The following NRK variants were observed in gnomAD, a reference collection of about 807,000 sequenced individuals.
NRK encodes the protein Nik related kinase, also known as nik-related protein kinase.
NRK carries 67 observed loss-of-function variants against 125.2 expected under a neutral mutation model. That is an observed-to-expected ratio of 0.54 (90% CI 0.44 to 0.66). The LOEUF is 0.66. Ranked by LOEUF, NRK falls within the 30% of genes least tolerant of loss-of-function variation. The pLI, the probability that NRK is intolerant of heterozygous loss-of-function variation, is 0.00. For missense variants in NRK, 1,224 were observed against 1,192.9 expected (o/e 1.03, Z -0.38); for synonymous variants, 458 against 429.0 (o/e 1.07, Z -0.84).
At chrX:105,917,781 G>T in intron 16 of NRK, 109 bp downstream of exon 16, 1 of 429,828 alleles carries the variant, frequency 2.3e-6, no homozygotes, top group South Asian at 5.1e-5. Flanking sequence ...AATCAAAAGT[G>T]TCAGGGAGCC....
chrX:105,822,647 T>A lies in NRK; in HGVS notation c.-199T>A. On this transcript the variant is annotated 5_prime_UTR_variant, in exon 1 of 29. Coordinates refer to ENST00000243300, the MANE Select transcript of NRK (RefSeq NM_198465.4). ...CAACTTGCTTTCCCGCCTCGCAAAC[T>A]CCGGTTTCCCTCCACTCCCAACTCT... 1 of 471,375 alleles carries A rather than the reference T, an allele frequency of 2.1e-6. No individual in the cohort carries two copies. The highest frequency in any genetic ancestry group is 3.7e-6 in the Non-Finnish European group (1 of 268,464). The allele number at this position is 471,375 out of a possible 1,213,427, so 38.8% of individuals were successfully genotyped here.
rs1008752344 is a variant in NRK at position 105,948,574 on chromosome X, A to G, written c.4354-1001A>G. The G allele has an allele frequency of 1.1e-5, 5 of 444,366 alleles. No individual in the cohort carries two copies. In the East Asian group the frequency reaches 1.2e-4, roughly 10 times the overall value. The allele number at this position is 444,366 out of a possible 1,213,427, so 36.6% of individuals were successfully genotyped here. A position where few individuals can be genotyped will look rare whatever the true frequency, so the allele number is the denominator to read the frequency against. Reference sequence around the variant, plus strand: ...TTTTTTCTAAACAGATTTTATTAAGACAACCTTCTTTCCTGCAATTTCTTT... The same window carrying G: ...TTTTTTCTAAACAGATTTTATTAAGGCAACCTTCTTTCCTGCAATTTCTTT... On this transcript the variant is annotated intron_variant, in intron 26 of 28. Coordinates refer to ENST00000243300, the MANE Select transcript of NRK (RefSeq NM_198465.4).
intron 4 of NRK, among the ~76,000 whole-genome samples, chrX:105,885,438 A>G (rs1346436925): frequency 8.9e-6 from 1 of 112,712 alleles, no homozygotes; most frequent in Non-Finnish European, 1.9e-5. Flanking sequence ...CAAACCAATT[A>G]TATTTTCATT....
chrX:105,863,467 A>G (rs1179905852), intron 2 of NRK, among the ~76,000 whole-genome samples: 2 of 111,502 alleles, frequency 1.8e-5, no homozygotes, highest in Non-Finnish European at 3.8e-5. Context: ...CACTTTCATT[A>G]AAGCCCATTT....
At chrX:105,913,408 G>T (rs2040326731) in intron 14 of NRK, among the ~76,000 whole-genome samples, 1 of 111,838 alleles carries the variant, frequency 8.9e-6, no homozygotes, top group Admixed American at 9.5e-5. Context: ...GGAAAATACT[G>T]GTTCACTTTG....
intron 3 of NRK, among the ~76,000 whole-genome samples, chrX:105,881,204 C>A (rs1602635114): frequency 9.0e-6 from 1 of 111,173 alleles, no homozygotes; most frequent in South Asian, 3.8e-4. Context: ...TCAAAAGTTG[C>A]AAACCAATGT....
chrX:105,822,827 C>G lies in NRK; in HGVS notation c.-19C>G, dbSNP rs757108131. 11 of 1,165,807 alleles carry G rather than the reference C, an allele frequency of 9.4e-6. No homozygotes were observed. Among genetic ancestry groups the G allele is most frequent in the Middle Eastern group, 4.6e-4 (2 of 4,328 alleles). On this transcript the variant is annotated 5_prime_UTR_variant, in exon 1 of 29. Transcript: ENST00000243300. Reference sequence around the variant, plus strand: ...CGCACCCAATTCAGTCGCCCGCTCCCGTTCGGCTCCTCGAAGCCATGGCGG... The same window carrying G: ...CGCACCCAATTCAGTCGCCCGCTCCGGTTCGGCTCCTCGAAGCCATGGCGG...
At chrX:105,898,061 G>A (rs1199281044) in intron 7 of NRK, among the ~76,000 whole-genome samples, 2 of 112,122 alleles carry the variant, frequency 1.8e-5, no homozygotes, top group African/African-American at 6.5e-5. Context: ...AAGCTAAGAT[G>A]TAGATACCAC....
At chrX:105,921,778 C>T (rs1273256262) in intron 16 of NRK, among the ~76,000 whole-genome samples, 186 bp from the exon 17 acceptor site, 1 of 108,569 alleles carries the variant, frequency 9.2e-6, no homozygotes, top group Non-Finnish European at 1.9e-5. Context: ...TGCTAATACC[C>T]CTGAAAAGAG....
intron 2 of NRK, among the ~76,000 whole-genome samples, chrX:105,835,722 A>G (rs2039256267): frequency 9.3e-6 from 1 of 108,085 alleles, no homozygotes; most frequent in Non-Finnish European, 1.9e-5. Context: ...AGGGCTTAAG[A>G]CTTTTATTCA....
At chrX:105,894,115 G>A (rs2040050413) in intron 6 of NRK, among the ~76,000 whole-genome samples, 173 bp downstream of exon 6, 1 of 112,068 alleles carries the variant, frequency 8.9e-6, no homozygotes, top group Middle Eastern at 4.6e-3. Context: ...TGCAGCTGAC[G>A]CCTTTAAATA....
chrX:105,913,490 AT>A (rs1329736189), intron 14 of NRK, among the ~76,000 whole-genome samples: 1 of 111,847 alleles, frequency 8.9e-6, no homozygotes, highest in Non-Finnish European at 1.9e-5. Flanking sequence ...TAATGTTACC[AT>A]CAAGTTCATC....
At chrX:105,901,327 A>G (rs1368296002) in intron 9 of NRK, among the ~76,000 whole-genome samples, 1 of 111,468 alleles carries the variant, frequency 9.0e-6, no homozygotes, top group African/African-American at 3.3e-5. Context: ...TGGAATGTAA[A>G]CTGGGTATAA....
rs148619360 is a variant in NRK at position 105,873,799 on chromosome X, A to G, written c.124-6400A>G. Among the ~76,000 whole-genome samples, 1,012 of 111,561 alleles carry G rather than the reference A, an allele frequency of 9.1e-3. 13 individuals are homozygous for G. The highest frequency in any genetic ancestry group is 0.031 in the African/African-American group (953 of 30,728). On this transcript the variant is annotated intron_variant, in intron 2 of 28. Transcript: ENST00000243300. Reference sequence around the variant, plus strand: ...ATGCCATCTTCAGGGTCCATTTGACATTTTACCTCTTCTGTGAAGTCTTCC... The same window carrying G: ...ATGCCATCTTCAGGGTCCATTTGACGTTTTACCTCTTCTGTGAAGTCTTCC...
Position 105,909,673 on chromosome X carries a change from C to A in NRK, c.2032C>A (p.Pro678Thr). The A allele has an allele frequency of 1.7e-6, 2 of 1,192,828 alleles. No individual in the cohort carries two copies. Among genetic ancestry groups the A allele is most frequent in the Non-Finnish European group, 2.3e-6 (2 of 885,261 alleles). The change falls in exon 13 of 29, where the codon CCA (proline) becomes ACA (threonine). Residue 678 changes from proline (P) to threonine (T), a missense_variant. Transcript: ENST00000243300. ...NLSSNRFYSQ[P>T]EQAREKKSKV... ...GTCATCAAATAGGTTTTACTCACAA[C>A]CAGAACAGGCACGGGAGAAAAAATC...
At chrX:105,870,825 A>T (rs780779818) in intron 2 of NRK, among the ~76,000 whole-genome samples, 7 of 111,737 alleles carry the variant, frequency 6.3e-5, no homozygotes, top group Non-Finnish European at 1.1e-4. Context: ...CACAGTTCTA[A>T]TAAGCATGAC....
intron 26 of NRK, among the ~76,000 whole-genome samples, 174 bp downstream of exon 26, chrX:105,946,638 T>G (rs751163830): frequency 1.7e-4 from 19 of 112,077 alleles, no homozygotes; most frequent in Non-Finnish European, 2.3e-4. Flanking sequence ...CAAAAAACAC[T>G]GATGATTCCT....
intron 2 of NRK, among the ~76,000 whole-genome samples, chrX:105,832,618 C>G (rs2039209278): frequency 9.0e-6 from 1 of 110,841 alleles, no homozygotes; most frequent in Admixed American, 9.7e-5. Context: ...GAAAAGGGTG[C>G]CTTTTTTCTT....
At chrX:105,947,572 C>T (rs1037418869) in intron 26 of NRK, among the ~76,000 whole-genome samples, 2 of 110,973 alleles carry the variant, frequency 1.8e-5, no homozygotes, top group Non-Finnish European at 3.8e-5. Flanking sequence ...ACACACCATA[C>T]AAAATATAAT....
Sources: allele counts gnomAD v4.1 joint callset (sites outside exome capture counted in the v4.1 genomes callset), GRCh38; gene constraint gnomAD v4.1.1; transcripts MANE v1.5; gene names NCBI Gene and HGNC (gene_info 2026-07-23, HGNC 2026-07-21).